Variants in ARHGAP32 observed in about 807,000 individuals in gnomAD.
The protein encoded by ARHGAP32 is Rho GTPase activating protein 32.
Under a neutral mutation model 186.5 loss-of-function variants are expected in ARHGAP32, and 51 were observed. The ratio of observed to expected loss-of-function variants is 0.27; its 90% CI spans 0.22 to 0.35. The LOEUF is 0.35. Among genes scored for constraint, ARHGAP32 ranks in the 10% least tolerant of loss-of-function variants. ARHGAP32 has a pLI of 1.00. For missense variants in ARHGAP32, 2,186 were observed against 2,623.5 expected, an observed-to-expected ratio of 0.83 and a Z score of 3.64; for synonymous variants, 950 against 964.3, an observed-to-expected ratio of 0.99 and a Z score of 0.27.
chr11:129,005,861 T>C (rs556585952), intron 11 of ARHGAP32, among the ~76,000 whole-genome samples: 1 of 152,322 alleles, frequency 6.6e-6, no homozygotes, highest in African/African-American at 2.4e-5. Flanking sequence ...CTGTCTCCTC[T>C]TTAAGGCCAG....
intron 1 of ARHGAP32, among the ~76,000 whole-genome samples, chr11:129,269,845 AT>A (rs1290800940): frequency 4.6e-5 from 7 of 152,086 alleles, no homozygotes; most frequent in African/African-American, 1.7e-4. Flanking sequence ...TATGGCCAAA[AT>A]TTAAAACACT....
chr11:129,247,589 A>G (rs1458385033), intron 1 of ARHGAP32, among the ~76,000 whole-genome samples: 1 of 152,218 alleles, frequency 6.6e-6, no homozygotes, highest in Non-Finnish European at 1.5e-5. Flanking sequence ...TAAAGGAAAA[A>G]AAGACTTTCT....
At chr11:129,261,025 C>A (rs1236797796) in intron 1 of ARHGAP32, among the ~76,000 whole-genome samples, 2 of 151,974 alleles carry the variant, frequency 1.3e-5, no homozygotes, top group African/African-American at 4.8e-5. Context: ...GAAAATACTA[C>A]TTAAAATATC....
At position 129,010,424 on chromosome 11, in the gene ARHGAP32, G is replaced by C. The variant is rs540694943; in HGVS notation, c.1046-11956C>G. 2.0e-5 allele frequency among the ~76,000 whole-genome samples: 3 copies of C among 151,948 alleles called. No homozygotes were observed. In the South Asian group the frequency reaches 6.2e-4, roughly 32 times the overall value. On this transcript the variant is annotated intron_variant, in intron 11 of 22. Transcript: ENST00000682385. ...TTTCTTCTAGGGTTTATATAGTTTC[G>C]GGTTTTACATTTAAGTTTTTAATCC...
chr11:128,997,424 T>C (rs1352270398), intron 12 of ARHGAP32, among the ~76,000 whole-genome samples: 7 of 152,196 alleles, frequency 4.6e-5, no homozygotes, highest in African/African-American at 1.7e-4. Flanking sequence ...ATTATTATTA[T>C]TACTTTACCA....
At chr11:128,992,701 T>A (rs112743880) in intron 12 of ARHGAP32, among the ~76,000 whole-genome samples, 2 of 151,918 alleles carry the variant, frequency 1.3e-5, no homozygotes, top group Non-Finnish European at 2.9e-5. Flanking sequence ...GCAGGAGAAT[T>A]GCTTGAACCT....
At chr11:129,024,128 C>A (rs770398359) in intron 11 of ARHGAP32, 4 of 985,382 alleles carry the variant, frequency 4.1e-6, no homozygotes, top group Non-Finnish European at 4.8e-6. Flanking sequence ...CCCAGCAAGC[C>A]AGCAAGTGTG....
At chr11:129,093,801 C>T (rs573785007) in intron 5 of ARHGAP32, 94 bp from the exon 6 acceptor site, 8 of 840,126 alleles carry the variant, frequency 9.5e-6, no homozygotes, top group East Asian at 5.3e-5. Flanking sequence ...GCATCATCTC[C>T]GGGTGAGCAT....
chr11:129,040,378 T>C (rs1340866717), intron 11 of ARHGAP32, among the ~76,000 whole-genome samples: 1 of 152,186 alleles, frequency 6.6e-6, no homozygotes, highest in Non-Finnish European at 1.5e-5. Context: ...AGGCATTCTG[T>C]TGAATCTTCC....
chr11:129,109,938 G>A (rs1317708760), intron 5 of ARHGAP32, among the ~76,000 whole-genome samples: 1 of 152,024 alleles, frequency 6.6e-6, no homozygotes, highest in Non-Finnish European at 1.5e-5. Flanking sequence ...TGTGCAAAAG[G>A]TTCTTAGTTT....
intron 11 of ARHGAP32, among the ~76,000 whole-genome samples, chr11:129,022,312 T>A (rs190706950): frequency 9.9e-5 from 15 of 152,266 alleles, no homozygotes; most frequent in Admixed American, 7.2e-4. Flanking sequence ...TGCACTTTAT[T>A]AAGCTATGAA....
intron 2 of ARHGAP32, among the ~76,000 whole-genome samples, chr11:129,136,549 G>A (rs575883279): frequency 6.6e-6 from 1 of 152,038 alleles, no homozygotes; most frequent in South Asian, 2.1e-4. Context: ...CAATAGCAAG[G>A]AAGTGGAAAA....
At chr11:129,216,624 T>C (rs894486134) in intron 1 of ARHGAP32, among the ~76,000 whole-genome samples, 4 of 147,204 alleles carry the variant, frequency 2.7e-5, no homozygotes, top group East Asian at 2.0e-4. Flanking sequence ...TGAGCCAAGA[T>C]TGCGCCACTG....
At chr11:129,250,715 TATC>T (rs1327542323) in intron 1 of ARHGAP32, among the ~76,000 whole-genome samples, 1 of 152,208 alleles carries the variant, frequency 6.6e-6, no homozygotes, top group Non-Finnish European at 1.5e-5. Context: ...TTTCTGAAAC[TATC>T]ATAAGCTTTT....
At chr11:128,991,844 T>G (rs2134691640) in intron 12 of ARHGAP32, among the ~76,000 whole-genome samples, 1 of 152,340 alleles carries the variant, frequency 6.6e-6, no homozygotes, top group East Asian at 1.9e-4. Context: ...AAGTAGGAAG[T>G]AAGTATGACA....
intron 20 of ARHGAP32, among the ~76,000 whole-genome samples, 167 bp downstream of exon 20, chr11:128,976,396 A>G (rs551580220): frequency 3.3e-5 from 5 of 152,310 alleles, no homozygotes; most frequent in Admixed American, 6.5e-5. Flanking sequence ...TTCCATGTGA[A>G]AGCATCAATG....
chr11:129,271,832 T>C (rs1035286868), intron 1 of ARHGAP32, among the ~76,000 whole-genome samples: 4 of 152,126 alleles, frequency 2.6e-5, no homozygotes, highest in Admixed American at 6.5e-5. Context: ...AACTGACCAC[T>C]AGCTTTGGCA....
intron 1 of ARHGAP32, among the ~76,000 whole-genome samples, chr11:129,245,025 G>A (rs1314089643): frequency 1.3e-5 from 2 of 151,890 alleles, no homozygotes; most frequent in Non-Finnish European, 2.9e-5. Flanking sequence ...TTCAACCATT[G>A]TGGAAGTCAG....
chr11:129,144,707 TTATTC>T (rs1943132880), intron 2 of ARHGAP32, among the ~76,000 whole-genome samples: 1 of 152,170 alleles, frequency 6.6e-6, no homozygotes, highest in Non-Finnish European at 1.5e-5. Flanking sequence ...ATCACTATTC[TTATTC>T]AATTCTCTAT....
Sources: allele counts gnomAD v4.1 joint callset (sites outside exome capture counted in the v4.1 genomes callset), GRCh38; gene constraint gnomAD v4.1.1; transcripts MANE v1.5; gene names NCBI Gene and HGNC (gene_info 2026-07-23, HGNC 2026-07-21).